Variants in CCDC3 observed in about 807,000 individuals in gnomAD.
CCDC3 encodes the protein coiled-coil domain containing 3.
In CCDC3, 24 loss-of-function variants were observed where a neutral mutation model predicts 21.4. The ratio of observed to expected loss-of-function variants is 1.12; its 90% confidence interval spans 0.81 to 1.58. CCDC3 has a LOEUF of 1.58. Ranked by LOEUF, CCDC3 falls within the 40% of genes most tolerant of loss-of-function variation. The pLI is 0.00. For missense variants in CCDC3, 425 were observed against 360.9 expected (o/e 1.18, Z -1.44); for synonymous variants, 186 against 166.0 (o/e 1.12, Z -0.93).
At chr10:12,948,592 T>A (rs1294400227) in intron 2 of CCDC3, among the ~76,000 whole-genome samples, 1 of 152,136 alleles carries the variant, frequency 6.6e-6, no homozygotes, top group Admixed American at 6.5e-5. Context: ...TCAACTCTAA[T>A]GTGAGAGTCA....
chr10:12,999,345 T>C (rs1346711209), intron 1 of CCDC3, among the ~76,000 whole-genome samples: 4 of 152,326 alleles, frequency 2.6e-5, no homozygotes, highest in Non-Finnish European at 5.9e-5. Context: ...ACAAAGTAAA[T>C]GCAGTATGCA....
At chr10:12,932,002 A>G (rs999760280) in intron 2 of CCDC3, among the ~76,000 whole-genome samples, 7 of 152,226 alleles carry the variant, frequency 4.6e-5, no homozygotes, top group Non-Finnish European at 7.3e-5. Flanking sequence ...CTGTTCCCAC[A>G]TATGTGCAAC....
At position 12,965,614 on chromosome 10, in the gene CCDC3, A is replaced by G. The variant is rs1589024119; in HGVS notation, c.549+32724T>C. 2.0e-5 allele frequency among the ~76,000 whole-genome samples: 3 copies of G among 152,336 alleles called. No homozygotes were observed. The South Asian group carries it at 6.2e-4, about 32-fold the overall frequency. On this transcript the variant is annotated intron_variant, in intron 2 of 2. Coordinates refer to ENST00000378825, the MANE Select transcript of CCDC3 (RefSeq NM_031455.4). ...GCAAATATATCTTTTCTTAAACACT[A>G]ATTTTTTGCTGTAACAGTACATCTT...
chr10:13,087,202 C>T (rs538603830), intron 3 of CCDC3, among the ~76,000 whole-genome samples: 6 of 152,056 alleles, frequency 3.9e-5, no homozygotes, highest in African/African-American at 9.7e-5. Context: ...GTCGGGAATT[C>T]GAGACCAGCC....
intron 2 of CCDC3, among the ~76,000 whole-genome samples, chr10:12,970,468 T>C (rs1439419723): frequency 6.6e-6 from 1 of 152,198 alleles, no homozygotes; most frequent in East Asian, 1.9e-4. Context: ...AAAATAAGTT[T>C]GTGAGGTAGT....
chr10:12,981,177 ATTTTTTTTTTTTTT>A (rs59193619), intron 2 of CCDC3, among the ~76,000 whole-genome samples: 2 of 105,570 alleles, frequency 1.9e-5, no homozygotes, highest in East Asian at 5.6e-4. Flanking sequence ...CTGGCCCAGG[ATTTTTTTTTTTTTT>A]TTTTTTTTGA....
In CCDC3 at chr10:13,051,842, T is replaced by C. The variant is rs1346814678; in HGVS notation, c.-269-1901A>G. Among the ~76,000 whole-genome samples the C allele has an allele frequency of 2.0e-5, 3 of 152,066 alleles. No individual in the cohort carries two copies. In the East Asian group the frequency reaches 5.8e-4, roughly 29 times the overall value. Reference sequence around the variant, plus strand: ...AAAGGCAACAGATTGGGGGAACAGTTCTGAACCAGAAAGGGAGCTGACTTC... The same window carrying C: ...AAAGGCAACAGATTGGGGGAACAGTCCTGAACCAGAAAGGGAGCTGACTTC... On this transcript the variant is annotated intron_variant, in intron 4 of 6. Transcript: ENST00000378839.
At chr10:13,040,364 T>TGTCACAGC in intron 5 of CCDC3, among the ~76,000 whole-genome samples, 3 of 152,176 alleles carry the variant, frequency 2.0e-5, no homozygotes, top group Non-Finnish European at 4.4e-5. Context: ...GTGAGCCTTA[T>TGTCACAGC]CTATCAGTGG....
At chr10:13,072,506 G>C (rs1836895846) in intron 4 of CCDC3, among the ~76,000 whole-genome samples, 1 of 152,184 alleles carries the variant, frequency 6.6e-6, no homozygotes, top group African/African-American at 2.4e-5. Context: ...ACAGATGAGG[G>C]AACATGCCCA....
intron 3 of CCDC3, among the ~76,000 whole-genome samples, chr10:13,083,106 G>T (rs1475128035): frequency 6.6e-6 from 1 of 152,010 alleles, no homozygotes; most frequent in Non-Finnish European, 1.5e-5. Context: ...GACTTAACAA[G>T]CAGTGAGTTC....
At chr10:13,050,261 C>T (rs573314194) in intron 4 of CCDC3, among the ~76,000 whole-genome samples, 1 of 152,178 alleles carries the variant, frequency 6.6e-6, no homozygotes, top group South Asian at 2.1e-4. Flanking sequence ...CTCATTTACA[C>T]ACAGCACAAG....
intron 2 of CCDC3, among the ~76,000 whole-genome samples, chr10:12,973,359 G>C (rs1439950750): frequency 6.6e-6 from 1 of 152,134 alleles, no homozygotes; most frequent in African/African-American, 2.4e-5. Flanking sequence ...TGAATGGAGG[G>C]GGAGGAGGCT....
chr10:12,977,938 GGATGGCGTACA>G (rs1835439981), intron 2 of CCDC3, among the ~76,000 whole-genome samples: 1 of 152,160 alleles, frequency 6.6e-6, no homozygotes, highest in African/African-American at 2.4e-5. Flanking sequence ...GCTTGTGCGT[GGATGGCGTACA>G]GATGGTGTCA....
At chr10:12,929,805 A>G (rs11258066) in intron 2 of CCDC3, among the ~76,000 whole-genome samples, 12,110 of 152,224 alleles carry the variant, frequency 0.08, 678 homozygotes, top group Non-Finnish European at 0.12. Context: ...GTTTAATGCA[A>G]TGGGGCGGGG....
At chr10:13,068,619 G>T (rs1217449077) in intron 4 of CCDC3, among the ~76,000 whole-genome samples, 1 of 152,140 alleles carries the variant, frequency 6.6e-6, no homozygotes, top group African/African-American at 2.4e-5. Flanking sequence ...TGAACAGTTT[G>T]ACTTGCCTGC....
At chr10:12,921,428 C>T (rs1293684910) in intron 2 of CCDC3, among the ~76,000 whole-genome samples, 5 of 152,172 alleles carry the variant, frequency 3.3e-5, no homozygotes, top group Admixed American at 1.3e-4. Context: ...ACCCCCTCCC[C>T]GACTCGTCCC....
chr10:13,086,336 C>G (rs34476927), intron 3 of CCDC3, among the ~76,000 whole-genome samples: 13,604 of 152,180 alleles, frequency 0.089, 848 homozygotes, highest in Non-Finnish European at 0.14. Flanking sequence ...GAGATATTTC[C>G]AAAGTTAGCA....
chr10:12,998,901 A>C (rs904796268), intron 1 of CCDC3, among the ~76,000 whole-genome samples: 1 of 152,198 alleles, frequency 6.6e-6, no homozygotes, highest in Admixed American at 6.5e-5. Context: ...GACATGAAAC[A>C]AATGTCTTAA....
upstream of CCDC3, among the ~76,000 whole-genome samples, chr10:13,004,519 G>A (rs566962055): frequency 5.3e-5 from 8 of 150,600 alleles, no homozygotes; most frequent in Non-Finnish European, 8.9e-5. Context: ...AGGCATATCC[G>A]TGTCCAGAAT....
Sources: gnomAD v4.1 joint callset for allele counts (sites outside exome capture counted in the v4.1 genomes callset) on GRCh38, gnomAD v4.1.1 for gene constraint, MANE v1.5 for transcripts, NCBI Gene and HGNC (gene_info 2026-07-23, HGNC 2026-07-21) for gene names.